Variants in GSK3B observed in about 807,000 individuals in gnomAD.
GSK3B encodes the protein glycogen synthase kinase-3 beta.
Under a neutral mutation model 56.4 loss-of-function variants are expected in GSK3B, and 15 were observed. The observed-to-expected ratio is 0.27, with a 90% CI of 0.18 to 0.41. GSK3B has a LOEUF of 0.41. Ranked by LOEUF, GSK3B falls within the 10% of genes least tolerant of loss-of-function variation. The pLI is 1.00. For missense variants in GSK3B, 300 were observed against 513.4 expected, an observed-to-expected ratio of 0.58 and a Z score of 4.02; for synonymous variants, 181 against 188.9, an observed-to-expected ratio of 0.96 and a Z score of 0.34.
chr3:120,068,592 C>T (rs2058300201), intron 1 of GSK3B, among the ~76,000 whole-genome samples: 1 of 150,554 alleles, frequency 6.6e-6, no homozygotes, highest in Non-Finnish European at 1.5e-5. Context: ...CCCAGCTACT[C>T]GGGAGGCTGA....
intron 1 of GSK3B, among the ~76,000 whole-genome samples, chr3:120,021,749 CAAAG>C (rs2057880301): frequency 6.6e-6 from 1 of 152,228 alleles, no homozygotes; most frequent in Non-Finnish European, 1.5e-5. Flanking sequence ...TATGAATGAG[CAAAG>C]AAAGTGATTT....
chr3:119,826,911 G>A, intron 10 of GSK3B, 56 bp from the exon 11 acceptor site: 1 of 1,051,834 alleles, frequency 9.5e-7, no homozygotes, highest in Non-Finnish European at 1.5e-6. Context: ...CAACAAAAGA[G>A]AACAAGTACA....
intron 9 of GSK3B, among the ~76,000 whole-genome samples, chr3:119,846,939 C>A (rs1241121770): frequency 6.6e-6 from 1 of 152,122 alleles, no homozygotes; most frequent in African/African-American, 2.4e-5. Context: ...ATATACATCA[C>A]AGAATATTAT....
At chr3:119,873,554 A>G (rs1211397811) in intron 8 of GSK3B, among the ~76,000 whole-genome samples, 6 of 151,900 alleles carry the variant, frequency 3.9e-5, no homozygotes, top group African/African-American at 7.3e-5. Context: ...TTTTTAAATG[A>G]CTCAATTGGC....
At chr3:120,073,060 T>C (rs1164988292) in intron 1 of GSK3B, among the ~76,000 whole-genome samples, 1 of 152,026 alleles carries the variant, frequency 6.6e-6, no homozygotes, top group Non-Finnish European at 1.5e-5. Context: ...TGGCAAGAGT[T>C]ACTTAACTTC....
intron 10 of GSK3B, among the ~76,000 whole-genome samples, chr3:119,834,655 A>C (rs1305230462): frequency 6.6e-6 from 1 of 152,208 alleles, no homozygotes; most frequent in Non-Finnish European, 1.5e-5. Flanking sequence ...CTTTAAGTTA[A>C]AATGCTTAAT....
chr3:119,941,119 G>A lies in GSK3B; in HGVS notation c.366+6149C>T, dbSNP rs373396457. Among the ~76,000 whole-genome samples, 111 of 151,026 alleles carry A rather than the reference G, an allele frequency of 7.3e-4. 1 individual carries two copies. The highest frequency in any genetic ancestry group is 2.3e-3 in the African/African-American group (96 of 40,986). On this transcript the variant is annotated intron_variant, in intron 3 of 10. Coordinates refer to ENST00000264235, the MANE Select transcript of GSK3B (RefSeq NM_001146156.2). ...CAACCTCTGCCTCCTGGGTTCAAGCGATTCTCCTGCCTCAGCCTCCTGAGT... is the reference window on the plus strand; with the variant it reads ...CAACCTCTGCCTCCTGGGTTCAAGCAATTCTCCTGCCTCAGCCTCCTGAGT...
chr3:119,879,417 G>A (rs1163073734), intron 7 of GSK3B, among the ~76,000 whole-genome samples: 2 of 152,040 alleles, frequency 1.3e-5, no homozygotes, highest in Non-Finnish European at 2.9e-5. Context: ...TCCTGACCTC[G>A]TGATTTACCC....
chr3:119,865,458 ATATATATATTTTTTTT>A (rs1251478567), intron 8 of GSK3B, among the ~76,000 whole-genome samples: 69 of 20,690 alleles, frequency 3.3e-3, no homozygotes, highest in Admixed American at 0.018. Context: ...ATATATATAT[ATATATATATTTTTTTT>A]TTTTTTTTTT....
intron 8 of GSK3B, among the ~76,000 whole-genome samples, chr3:119,866,919 C>T (rs1250303695): frequency 2.0e-5 from 3 of 151,708 alleles, no homozygotes; most frequent in Admixed American, 6.6e-5. Context: ...AATGCCAGTG[C>T]GTTTATTAAA....
rs139693656 is a variant in GSK3B, at chr3:119,829,618, T to C, written c.1196-2763A>G. Among the ~76,000 whole-genome samples the C allele has an allele frequency of 8.0e-3, 1,219 of 152,350 alleles. 45 individuals are homozygous for C. Among genetic ancestry groups the C allele is most frequent in the Admixed American group, 0.07 (1,070 of 15,298 alleles). Reference sequence around the variant, plus strand: ...AATTTGCTCTTTAGCAAAATCCTATTTGGCATTAATGTGCAGATGTCCTTT... The same window carrying C: ...AATTTGCTCTTTAGCAAAATCCTATCTGGCATTAATGTGCAGATGTCCTTT... On this transcript the variant is annotated intron_variant, in intron 10 of 10. Transcript: ENST00000264235.
At chr3:120,004,121 C>T (rs1002284551) in intron 1 of GSK3B, among the ~76,000 whole-genome samples, 2 of 152,346 alleles carry the variant, frequency 1.3e-5, no homozygotes, top group African/African-American at 2.4e-5. Flanking sequence ...GCGGGTCCCA[C>T]GCCCACACAG....
chr3:120,081,889 T>C (rs1029677961), intron 1 of GSK3B, among the ~76,000 whole-genome samples: 3 of 152,210 alleles, frequency 2.0e-5, no homozygotes, highest in East Asian at 1.9e-4. Context: ...GTGAATTTCA[T>C]GCCTTGAGAT....
At chr3:120,008,593 G>A (rs752449888) in intron 1 of GSK3B, among the ~76,000 whole-genome samples, 9 of 152,006 alleles carry the variant, frequency 5.9e-5, no homozygotes, top group Non-Finnish European at 1.0e-4. Flanking sequence ...AATCTGACAC[G>A]CACAGGCAAT....
At chr3:119,873,812 C>A (rs968187538) in intron 8 of GSK3B, among the ~76,000 whole-genome samples, 2 of 151,982 alleles carry the variant, frequency 1.3e-5, no homozygotes, top group Non-Finnish European at 2.9e-5. Flanking sequence ...AAATGAGGAA[C>A]CAACATAAGT....
intron 1 of GSK3B, among the ~76,000 whole-genome samples, chr3:120,015,271 C>T (rs1324479108): frequency 6.6e-6 from 1 of 152,116 alleles, no homozygotes; most frequent in Non-Finnish European, 1.5e-5. Context: ...GCTCTTTTAC[C>T]ACTCACATGT....
At chr3:119,998,888 C>G (rs1316396757) in intron 2 of GSK3B, among the ~76,000 whole-genome samples, 1 of 152,170 alleles carries the variant, frequency 6.6e-6, no homozygotes, top group Non-Finnish European at 1.5e-5. Flanking sequence ...AAAGGCTACA[C>G]AGGAAATGGG....
chr3:119,960,845 T>C (rs2057265159), intron 2 of GSK3B, among the ~76,000 whole-genome samples: 1 of 152,184 alleles, frequency 6.6e-6, no homozygotes, highest in Non-Finnish European at 1.5e-5. Flanking sequence ...ATATAAGCTT[T>C]AAAATGACAT....
At chr3:119,856,933 C>G (rs1468503852) in intron 9 of GSK3B, among the ~76,000 whole-genome samples, 1 of 152,048 alleles carries the variant, frequency 6.6e-6, no homozygotes, top group Non-Finnish European at 1.5e-5. Flanking sequence ...AGTTTTAGAC[C>G]ACTACAATAA....
Sources: allele counts gnomAD v4.1 joint callset (sites outside exome capture counted in the v4.1 genomes callset), GRCh38; gene constraint gnomAD v4.1.1; transcripts MANE v1.5; gene names NCBI Gene and HGNC (gene_info 2026-07-23, HGNC 2026-07-21).